Variants in OTOG observed in about 807,000 individuals in gnomAD.
OTOG encodes the protein otogelin.
A neutral mutation model predicts 313.8 loss-of-function variants in OTOG; 296 were observed. The ratio of observed to expected loss-of-function variants is 0.94; its 90% confidence interval spans 0.86 to 1.04. The LOEUF (loss-of-function observed/expected upper bound fraction) is 1.04, where lower values mean the gene tolerates loss of function less well. Ranked by LOEUF, OTOG falls within the 50% of genes least tolerant of loss-of-function variation. The pLI, the probability that OTOG is intolerant of heterozygous loss-of-function variation, is 0.00. For missense variants in OTOG, 3,948 were observed against 3,840.1 expected (o/e 1.03, Z -0.74); for synonymous variants, 1,533 against 1,554.9 (o/e 0.99, Z 0.33).
intron 36 of OTOG, 56 bp from the exon 37 acceptor site, chr11:17,612,106 C>T: frequency 6.5e-7 from 1 of 1,537,010 alleles, no homozygotes; most frequent in Non-Finnish European, 8.8e-7. Flanking sequence ...TCACAGCTTG[C>T]AGGGTGGGCT....
chr11:17,597,082 GTC>G (rs1853130149), intron 30 of OTOG, 75 bp downstream of exon 30: 1 of 1,499,858 alleles, frequency 6.7e-7, no homozygotes, highest in Non-Finnish European at 8.9e-7. Flanking sequence ...GGTACTGGCA[GTC>G]TGTCTAGCAT....
At chr11:17,632,304 C>A (rs1345404890) in intron 42 of OTOG, 78 bp downstream of exon 42, 4 of 1,438,458 alleles carry the variant, frequency 2.8e-6, no homozygotes, top group South Asian at 1.4e-5. Context: ...AGGCTCCCGG[C>A]CCCAAGTTCA....
At chr11:17,639,602 C>T in intron 49 of OTOG, 139 bp downstream of exon 49, 1 of 813,074 alleles carries the variant, frequency 1.2e-6, no homozygotes, top group Non-Finnish European at 2.0e-6. Flanking sequence ...TTCCCAAGCT[C>T]TGCCACTGGC....
intron 27 of OTOG, 76 bp downstream of exon 27, chr11:17,593,832 C>T: frequency 1.3e-6 from 2 of 1,510,476 alleles, no homozygotes; most frequent in Non-Finnish European, 1.8e-6. Flanking sequence ...GTGAGCTGTA[C>T]CCTCCCTGAG....
At chr11:17,594,375 C>T (rs1407111170) in intron 28 of OTOG, among the ~76,000 whole-genome samples, 3 of 152,190 alleles carry the variant, frequency 2.0e-5, no homozygotes, top group Non-Finnish European at 4.4e-5. Flanking sequence ...AGCTGCCCAC[C>T]CTACCCTGGA....
chr11:17,611,657 TGTGTGTGCTA>T lies in OTOG; in HGVS notation c.6123+243_6123+252del, dbSNP rs201131960. On this transcript the variant is annotated intron_variant, in intron 36 of 55. Coordinates refer to ENST00000399397, the MANE Select transcript of OTOG (RefSeq NM_001292063.2). Reference sequence around the variant, plus strand: ...CTAGTGTGATGCCCAGGTGACAATGTGTGTGTGCTAGTGTGTGCCTGTGTGAGACTGCTGT... The same window carrying T: ...CTAGTGTGATGCCCAGGTGACAATGTGTGTGTGCCTGTGTGAGACTGCTGT... Among the ~76,000 whole-genome samples, 2,294 of 152,270 alleles carry T rather than the reference TGTGTGTGCTA, an allele frequency of 0.015. 52 individuals are homozygous for T. The highest frequency in any genetic ancestry group is 0.095 in the South Asian group (457 of 4,822).
intron 47 of OTOG, among the ~76,000 whole-genome samples, chr11:17,637,503 G>T (rs1243342211): frequency 1.3e-5 from 2 of 152,118 alleles, no homozygotes; most frequent in African/African-American, 4.8e-5. Flanking sequence ...TGCTTACCTT[G>T]TTCCCTGGGC....
rs753426754 is a variant in OTOG at position 17,560,756 on chromosome 11, T to C, written c.1390T>C (p.Cys464Arg). ...GGCVAPAECP[C>R]EFHGTLYPPG... ...CTGCGTGGCACCAGCTGAGTGTCCCTGTGAGTTTCACGGGACTCTGTACCC... is the reference window on the plus strand; with the variant it reads ...CTGCGTGGCACCAGCTGAGTGTCCCCGTGAGTTTCACGGGACTCTGTACCC... The change falls in exon 13 of 56, where the codon TGT becomes CGT. Residue 464 changes from cysteine (C) to arginine (R), a missense_variant. Coordinates refer to ENST00000399397, the MANE Select transcript of OTOG (RefSeq NM_001292063.2). 1.2e-5 allele frequency: 18 copies of C among 1,550,584 alleles called. No homozygotes were observed. The highest frequency in any genetic ancestry group is 3.5e-6 in the Non-Finnish European group (4 of 1,147,004).
intron 39 of OTOG, among the ~76,000 whole-genome samples, chr11:17,620,689 G>T (rs1390968912): frequency 1.3e-5 from 2 of 151,926 alleles, no homozygotes; most frequent in Non-Finnish European, 2.9e-5. Context: ...TAAGCAATTT[G>T]GTTATGATAG....
chr11:17,550,954 G>T (rs986519969), intron 3 of OTOG, among the ~76,000 whole-genome samples: 3 of 152,268 alleles, frequency 2.0e-5, no homozygotes, highest in Admixed American at 2.0e-4. Flanking sequence ...AAGAGCTGGG[G>T]TTGGCTCCAG....
At position 17,561,724 on chromosome 11, in the gene OTOG, C is replaced by G; in HGVS notation, c.1561C>G (p.Pro521Ala). ...CTTTGATGGCCGCCGGTACACGTTC[C>G]CCGCCACATGTCAGTACATCCTGGC... Reference protein sequence around the residue: ...TTFDGRRYTFPATCQYILAKS... With the variant: ...TTFDGRRYTFAATCQYILAKS... The change falls in exon 15 of 56, where the codon CCC becomes GCC. Residue 521 changes from proline (P) to alanine (A), a missense_variant. By Grantham distance (27) the Pro-to-Ala change is conservative (BLOSUM62 -1). Transcript: ENST00000399397. 1 of 1,550,552 alleles carries G rather than the reference C, an allele frequency of 6.4e-7. No individual in the cohort carries two copies. Among genetic ancestry groups the G allele is most frequent in the South Asian group, 1.2e-5 (1 of 84,060 alleles).
At chr11:17,569,134 A>G (rs1263667802) in intron 15 of OTOG, 22 bp from the exon 16 acceptor site, 5 of 1,550,476 alleles carry the variant, frequency 3.2e-6, no homozygotes, top group Admixed American at 3.9e-5. Context: ...ACACTGCCCC[A>G]TTGACCTTTC....
chr11:17,603,974 T>G (rs1423369925), intron 32 of OTOG, among the ~76,000 whole-genome samples: 1 of 152,176 alleles, frequency 6.6e-6, no homozygotes, highest in Non-Finnish European at 1.5e-5. Context: ...AAGCGCTTCA[T>G]GTATAGCAAC....
chr11:17,568,068 T>C (rs2355023), intron 15 of OTOG, among the ~76,000 whole-genome samples: 47,672 of 151,736 alleles, frequency 0.31, 7,722 homozygotes, highest in Middle Eastern at 0.35. Context: ...CCACCATGCC[T>C]GGCTAATTTT....
intron 33 of OTOG, 104 bp downstream of exon 33, chr11:17,606,239 A>T (rs1853386387): frequency 2.9e-6 from 4 of 1,357,204 alleles, no homozygotes; most frequent in Non-Finnish European, 3.9e-6. Flanking sequence ...TAAGAAGCAG[A>T]ATCCTCCTTC....
intron 38 of OTOG, 101 bp from the exon 39 acceptor site, chr11:17,613,511 G>A: frequency 1.0e-6 from 1 of 955,802 alleles, no homozygotes; most frequent in Admixed American, 2.0e-5. Flanking sequence ...TAGTGCAGGG[G>A]GTAGTCAGGG....
intron 28 of OTOG, among the ~76,000 whole-genome samples, chr11:17,595,547 G>A (rs1853074914): frequency 6.6e-6 from 1 of 152,210 alleles, no homozygotes; most frequent in African/African-American, 2.4e-5. Context: ...GTCAGCTAGG[G>A]CTGGGCTCTC....
At chr11:17,595,712 C>T (rs1026427538) in intron 28 of OTOG, among the ~76,000 whole-genome samples, 2 of 152,216 alleles carry the variant, frequency 1.3e-5, no homozygotes, top group Admixed American at 6.5e-5. Flanking sequence ...ACCACTGACA[C>T]TTCCATCCAT....
At chr11:17,559,467 G>A in intron 11 of OTOG, 67 bp from the exon 12 acceptor site, 1 of 1,544,276 alleles carries the variant, frequency 6.5e-7, no homozygotes, top group Non-Finnish European at 8.7e-7. Context: ...CACGGCCTGG[G>A]GTAGGAGCTG....
Sources: gnomAD v4.1 joint callset for allele counts (sites outside exome capture counted in the v4.1 genomes callset) on GRCh38, gnomAD v4.1.1 for gene constraint, MANE v1.5 for transcripts, NCBI Gene and HGNC (gene_info 2026-07-23, HGNC 2026-07-21) for gene names.